Variants in QRICH2 observed in about 807,000 individuals in gnomAD.
The protein encoded by QRICH2 is glutamine rich 2.
A neutral mutation model predicts 168.3 loss-of-function variants in QRICH2; 119 were observed. That is an observed-to-expected ratio of 0.71 (90% CI 0.61 to 0.82). The LOEUF is 0.82. Ranked by LOEUF, QRICH2 falls within the 40% of genes least tolerant of loss-of-function variation. QRICH2 has a pLI of 0.00. For missense variants in QRICH2, 2,241 were observed against 2,491.6 expected (o/e 0.90, Z 2.14); for synonymous variants, 894 against 951.2 (o/e 0.94, Z 1.11).
At chr17:76,309,625 G>A (rs960101692), upstream of QRICH2, 1 of 152,178 alleles carries the variant, frequency 6.6e-6, no homozygotes, top group African/African-American at 2.4e-5. Flanking sequence ...AACCAACCAC[G>A]ACTGAACACG....
At chr17:76,276,922 A>G (rs2070691211) in intron 16 of QRICH2, among the ~76,000 whole-genome samples, 155 bp from the exon 17 acceptor site, 1 of 152,196 alleles carries the variant, frequency 6.6e-6, no homozygotes, top group African/African-American at 2.4e-5. Context: ...GAGGGAGGTG[A>G]AACAGTATCT....
At chr17:76,294,179 T>C (rs2071066548) in intron 3 of QRICH2, among the ~76,000 whole-genome samples, 158 bp from the exon 4 acceptor site, 1 of 152,032 alleles carries the variant, frequency 6.6e-6, no homozygotes, top group Non-Finnish European at 1.5e-5. Context: ...AGAAACACAC[T>C]GATGGGAGGC....
Position 76,304,380 on chromosome 17 carries a change from A to AC in QRICH2, c.705+34dup, listed in dbSNP as rs775140788. 4 of 1,440,808 alleles carry AC rather than the reference A, an allele frequency of 2.8e-6. No individual in the cohort carries two copies. In the East Asian group the frequency reaches 6.8e-5, roughly 25 times the overall value. 89.3% of individuals were successfully genotyped at this position (1,440,808 alleles called of 1,614,324 possible). On this transcript the variant is annotated intron_variant, in intron 3 of 18. Coordinates refer to ENST00000680821, the MANE Select transcript of QRICH2 (RefSeq NM_001388453.1). ...AAAGCGAGAAGTTCTGGGGAGCCCC[A>AC]CCCAAGACCACGGCCCAGGCCCCCA...
At chr17:76,289,416 G>T (rs988122411) in intron 5 of QRICH2, among the ~76,000 whole-genome samples, 2 of 151,936 alleles carry the variant, frequency 1.3e-5, no homozygotes, top group African/African-American at 4.8e-5. Context: ...CGAGCTCCCG[G>T]GCTCAAGTGA....
rs2071059065 is a variant in QRICH2 at position 76,293,796 on chromosome 17, C to T, written c.931G>A (p.Gly311Arg). The T allele has an allele frequency of 6.2e-7, 1 of 1,614,094 alleles. No homozygotes were observed. The highest frequency in any genetic ancestry group is 8.5e-7 in the Non-Finnish European group (1 of 1,179,992). Reference protein sequence around the residue: ...REQSKVPSGTGRQQQPRARDE... With the variant: ...REQSKVPSGTRRQQQPRARDE... ...CGGGCCCTCGGCTGCTGCTGTCTCC[C>T]AGTACCAGAGGGGACCTTGCTTTGT... The change falls in exon 4 of 19, where the codon GGG becomes AGG. Residue 311 changes from glycine (G) to arginine (R), a missense_variant. This residue lies in a region of QRICH2 where 2,047 missense variants were observed against 2,303.8 expected (regional missense o/e 0.89). Transcript: ENST00000680821.
chr17:76,294,503 G>C (rs1347638720), intron 3 of QRICH2, among the ~76,000 whole-genome samples: 2 of 151,988 alleles, frequency 1.3e-5, no homozygotes, highest in Admixed American at 1.3e-4. Context: ...ATTTGAAAAT[G>C]GCATGTACAA....
rs977728355 is a variant in QRICH2, at chr17:76,288,976, C to T, written c.3798+1016G>A. 9.3e-5 allele frequency among the ~76,000 whole-genome samples: 14 copies of T among 149,764 alleles called. 1 individual carries two copies. The highest frequency in any genetic ancestry group is 2.1e-4 in the Non-Finnish European group (14 of 67,326). ...AAAATTAGCCGGGCGTGGTGGCGAG[C>T]ACCTGTAGTCCCAGCTACTTGGGAG... On this transcript the variant is annotated intron_variant, in intron 5 of 18. Coordinates refer to ENST00000680821, the MANE Select transcript of QRICH2 (RefSeq NM_001388453.1).
chr17:76,276,239 G>C (rs1001915720), intron 17 of QRICH2, among the ~76,000 whole-genome samples: 1 of 152,040 alleles, frequency 6.6e-6, no homozygotes, highest in East Asian at 1.9e-4. Context: ...GAGGCATCTA[G>C]AAAGGCGCAT....
chr17:76,282,264 C>T (rs1273853137), intron 7 of QRICH2, 149 bp from the exon 8 acceptor site: 1 of 901,332 alleles, frequency 1.1e-6, no homozygotes, highest in Non-Finnish European at 1.6e-6. Context: ...GAGCATGTGC[C>T]ATCATGGGCA....
At chr17:76,279,329 T>C (rs1349981500) in intron 13 of QRICH2, 34 bp downstream of exon 13, 2 of 1,585,112 alleles carry the variant, frequency 1.3e-6, no homozygotes, top group Middle Eastern at 1.7e-4. Flanking sequence ...AGCCCTGCCA[T>C]GCGAGGCCAC....
rs781168016 is a variant in QRICH2 at position 76,278,206 on chromosome 17, G to A, written c.4917-17C>T. ...AGCTTGAGGCTGCAGGGTGTGAGCA[G>A]AACAGAGGGAGGGTTGGCCCATGGC... On this transcript the variant is annotated splice_polypyrimidine_tract_variant and intron_variant, in intron 14 of 18. Coordinates refer to ENST00000680821, the MANE Select transcript of QRICH2 (RefSeq NM_001388453.1). 3 of 1,600,168 alleles carry A rather than the reference G, an allele frequency of 1.9e-6. No homozygotes were observed. Among genetic ancestry groups the A allele is most frequent in the South Asian group, 1.1e-5 (1 of 90,966 alleles).
chr17:76,281,944 G>A lies in QRICH2; in HGVS notation c.4183C>T (p.Arg1395Trp), dbSNP rs1254939314. 7 of 1,613,786 alleles carry A rather than the reference G, an allele frequency of 4.3e-6. No homozygotes were observed. The highest frequency in any genetic ancestry group is 1.3e-5 in the African/African-American group (1 of 75,060). Residue 1395 changes from arginine (R) to tryptophan (W), a missense_variant, in exon 8 of 19, where the codon CGG becomes TGG. Physicochemically the swap from Arg to Trp is moderately radical, Grantham distance 101 (BLOSUM62 -3). Coordinates refer to ENST00000680821, the MANE Select transcript of QRICH2 (RefSeq NM_001388453.1). The surrounding 1 kb of genome is among the most constrained non-coding windows in gnomAD (Gnocchi z 4.4). ...DVSHQVSTLV[R>W]RYEQLQDMVN... ...ATGTCTTGGAGTTGCTCATAGCGCC[G>A]CACCAGCGTGCTGACCTGATGGCTC...
chr17:76,291,164 G>A lies in QRICH2; in HGVS notation c.3563C>T (p.Ser1188Phe), dbSNP rs1157065702. ...TGTCTCCACTGCCGTGGGGAAACTAGAACTCATTCTACGCAGTGAATTGCG... is the reference window on the plus strand; with the variant it reads ...TGTCTCCACTGCCGTGGGGAAACTAAAACTCATTCTACGCAGTGAATTGCG... ...ERRNSLRRMS[S>F]SFPTAVETFH... The change falls in exon 4 of 19, where the codon TCT becomes TTT. Residue 1188 changes from serine (S) to phenylalanine (F), a missense_variant. This residue lies in a region of QRICH2 where 2,047 missense variants were observed against 2,303.8 expected (regional missense o/e 0.89). Coordinates refer to ENST00000680821, the MANE Select transcript of QRICH2 (RefSeq NM_001388453.1). 2 of 1,614,168 alleles carry A rather than the reference G, an allele frequency of 1.2e-6. No homozygotes were observed. Among genetic ancestry groups the A allele is most frequent in the Non-Finnish European group, 1.7e-6 (2 of 1,180,036 alleles).
At chr17:76,310,769 CTTTTT>C (rs75646857), upstream of QRICH2, 1 of 138,118 alleles carries the variant, frequency 7.2e-6, no homozygotes, top group Non-Finnish European at 1.6e-5. Context: ...CACACCTAGA[CTTTTT>C]TTTTTTTTTT....
rs758241040 is a variant in QRICH2, at chr17:76,287,275, C to A, written c.3928G>T (p.Ala1310Ser). 2 of 1,613,912 alleles carry A rather than the reference C, an allele frequency of 1.2e-6. No homozygotes were observed. The highest frequency in any genetic ancestry group is 1.7e-6 in the Non-Finnish European group (2 of 1,179,960). The change falls in exon 7 of 19, where the codon GCC (alanine) becomes TCC (serine). Residue 1310 changes from alanine to serine, a missense_variant. Transcript: ENST00000680821. ...CTGTCTTGGCTCTCCCTCAACTCGGCCAGCTCCTTTTCTATGTCAGCCACG... is the reference window on the plus strand; with the variant it reads ...CTGTCTTGGCTCTCCCTCAACTCGGACAGCTCCTTTTCTATGTCAGCCACG... ...VTVADIEKEL[A>S]ELRESQDRGK...
Position 76,278,081 on chromosome 17 carries a change from C to T in QRICH2, c.5025G>A (p.Val1675=), listed in dbSNP as rs746898319. 1 of 1,613,934 alleles carries T rather than the reference C, an allele frequency of 6.2e-7. No homozygotes were observed. Among genetic ancestry groups the T allele is most frequent in the Non-Finnish European group, 8.5e-7 (1 of 1,180,044 alleles). ...TGGTGGAGCCCCCGAAGTGGATCTG[C>T]ACCTTCTCAATGTTCATCAGCATCT... is the stretch of plus-strand genomic sequence containing the variant. ...HSKMLMNIEK[V]QIHFGGSTKA... The change falls in exon 15 of 19, where the codon GTG becomes GTA. Residue 1675 remains valine (V), a synonymous_variant. Coordinates refer to ENST00000680821, the MANE Select transcript of QRICH2 (RefSeq NM_001388453.1).
chr17:76,286,559 G>A (rs1254746775), intron 7 of QRICH2, among the ~76,000 whole-genome samples: 1 of 152,096 alleles, frequency 6.6e-6, no homozygotes, highest in Non-Finnish European at 1.5e-5. Flanking sequence ...TAAATGTTTT[G>A]GAATTAGATT....
At position 76,292,097 on chromosome 17, in the gene QRICH2, T is replaced by C. The variant is rs2071005961; in HGVS notation, c.2630A>G (p.Asp877Gly). 1 of 1,611,502 alleles carries C rather than the reference T, an allele frequency of 6.2e-7. No homozygotes were observed. Among genetic ancestry groups the C allele is most frequent in the Non-Finnish European group, 8.5e-7 (1 of 1,178,830 alleles). The change falls in exon 4 of 19, where the codon GAT becomes GGT. Residue 877 changes from aspartate to glycine, a missense_variant. Physicochemically the swap from Asp to Gly is moderately conservative, Grantham distance 94. Transcript: ENST00000680821. Reference sequence around the variant, plus strand: ...TCCAGGTTGGACCAAACCACGCTGATCCACTCCAGGTTGCACCAAACCACG... The same window carrying C: ...TCCAGGTTGGACCAAACCACGCTGACCCACTCCAGGTTGCACCAAACCACG... ...DQRGLVQPGV[D>G]QRGLVQPGMD...
intron 3 of QRICH2, among the ~76,000 whole-genome samples, chr17:76,299,880 T>G (rs1266692042): frequency 3.3e-5 from 5 of 150,994 alleles, no homozygotes; most frequent in African/African-American, 1.2e-4. Context: ...CAGGCTGGAG[T>G]GCAGTGATGC....
Sources: gnomAD v4.1 joint callset for allele counts (sites outside exome capture counted in the v4.1 genomes callset) on GRCh38, gnomAD v4.1.1 for gene constraint, gnomAD v4.1.1 regional missense constraint, Gnocchi (gnomAD v3.1) non-coding constraint, MANE v1.5 for transcripts, NCBI Gene and HGNC (gene_info 2026-07-23, HGNC 2026-07-21) for gene names.